CARMIL3: variants seen among roughly 807,000 people sequenced by gnomAD.
CARMIL3 encodes capping protein, Arp2/3 and myosin-I linker protein 3.
A neutral mutation model predicts 180.8 loss-of-function variants in CARMIL3; 88 were observed. The observed-to-expected ratio is 0.49, with a 90% confidence interval of 0.41 to 0.58. The LOEUF (loss-of-function observed/expected upper bound fraction) is 0.58, where lower values mean the gene tolerates loss of function less well. Among genes scored for constraint, CARMIL3 ranks in the 20% least tolerant of loss-of-function variants. CARMIL3 has a pLI of 0.00. For synonymous variants in CARMIL3, 696 were observed against 714.5 expected (o/e 0.97, Z 0.41); for missense variants, 1,548 against 1,787.0 (o/e 0.87, Z 2.41).
At chr14:24,066,729 C>A in intron 36 of CARMIL3, 73 bp downstream of exon 36, 2 of 1,500,898 alleles carry the variant, frequency 1.3e-6, no homozygotes, top group Non-Finnish European at 1.8e-6. Context: ...AGCCCATGGC[C>A]CCTGTGCTGG....
intron 14 of CARMIL3, among the ~76,000 whole-genome samples, chr14:24,057,477 G>A (rs1459222208): frequency 6.6e-6 from 1 of 152,186 alleles, no homozygotes; most frequent in African/African-American, 2.4e-5. Flanking sequence ...TTCCCCAGCT[G>A]TGCACCCTGG....
Position 24,068,895 on chromosome 14 carries a change from C to T in CARMIL3, c.3911C>T (p.Ala1304Val), listed in dbSNP as rs769953913. Residue 1304 changes from alanine (A) to valine (V), a missense_variant, in exon 38 of 40, where the codon GCA (alanine) becomes GTA (valine). Ala to Val is a moderately conservative substitution (Grantham distance 64). Transcript: ENST00000342740. ...GVREEAEAGDAAPGVNKPRLR... is the reference protein window; with the variant it reads ...GVREEAEAGDVAPGVNKPRLR... ...AGGGAGGAGGCTGAGGCTGGAGATG[C>T]AGCTCCAGGAGTCAACAAACCCCGG... 24 of 1,604,898 alleles carry T rather than the reference C, an allele frequency of 1.5e-5. No homozygotes were observed. The African/African-American group carries it at 1.9e-4, about 13-fold the overall frequency.
intron 34 of CARMIL3, 106 bp from the exon 35 acceptor site, chr14:24,066,292 C>A: frequency 1.5e-6 from 2 of 1,332,318 alleles, no homozygotes; most frequent in Non-Finnish European, 2.1e-6. Context: ...TGTCTAGGGA[C>A]TAATGACATG....
intron 8 of CARMIL3, 107 bp downstream of exon 8, chr14:24,055,417 C>A: frequency 6.8e-7 from 1 of 1,480,772 alleles, no homozygotes; most frequent in Non-Finnish European, 9.4e-7. Flanking sequence ...TCTATCTCCC[C>A]AACTCCATCC....
intron 34 of CARMIL3, 53 bp from the exon 35 acceptor site, chr14:24,066,345 G>T (rs546356471): frequency 1.3e-6 from 2 of 1,591,804 alleles, no homozygotes; most frequent in African/African-American, 2.7e-5. Context: ...TTTGTCAGCT[G>T]CAGTCCTGCC....
At position 24,056,387 on chromosome 14, in the gene CARMIL3, G is replaced by T; in HGVS notation, c.859G>T (p.Asp287Tyr). The T allele has an allele frequency of 6.2e-7, 1 of 1,613,024 alleles. No individual in the cohort carries two copies. The highest frequency in any genetic ancestry group is 8.5e-7 in the Non-Finnish European group (1 of 1,179,304). ...CACTCTGTCCCACAACCCCATCGAGGACAAGGGTGAGCCCCAGCCCTGAAT... is the reference window on the plus strand; with the variant it reads ...CACTCTGTCCCACAACCCCATCGAGTACAAGGGTGAGCCCCAGCCCTGAAT... ...ALTLSHNPIE[D>Y]KGFLSLSQQL... Residue 287 changes from aspartate to tyrosine, a missense_variant, in exon 11 of 40, where the codon GAC becomes TAC. Coordinates refer to ENST00000342740, the MANE Select transcript of CARMIL3 (RefSeq NM_138360.4).
In CARMIL3 at chr14:24,053,725, C is replaced by T. The variant is rs764544396; in HGVS notation, c.57C>T (p.Cys19=). 43 of 1,612,210 alleles carry T rather than the reference C, an allele frequency of 2.7e-5. No individual in the cohort carries two copies. Among genetic ancestry groups the T allele is most frequent in the Non-Finnish European group, 3.6e-5 (43 of 1,178,972 alleles). Residue 19 remains cysteine (C), a synonymous_variant, in exon 2 of 40, where the codon TGC becomes TGT. Transcript: ENST00000342740. ...CCCCCTCAGACAGCATCCGGAGGTG[C>T]CTGAGCCAAGGGGCCGTGCTCCAAC... ...TRELQDSIRR[C]LSQGAVLQQH...
chr14:24,062,843 C>A lies in CARMIL3; in HGVS notation c.2703C>A (p.Asn901Lys). 6.2e-7 allele frequency: 1 copy of A among 1,605,422 alleles called. No homozygotes were observed. ...EETTDDELGT[N>K]IDTMAIKKQK... ...CCACAGATGATGAACTTGGGACCAA[C>A]ATTGTGAGCCCCCCGCTCCCTGCTC... Residue 901 changes from asparagine (N) to lysine (K), a missense_variant, in exon 29 of 40, where the codon AAC becomes AAA. Transcript: ENST00000342740.
In CARMIL3 at chr14:24,053,691, G is replaced by C. The variant is rs767946239; in HGVS notation, c.41-18G>C. ...CAGGGTAAGGTGAAGCTCTGAGCAG[G>C]CTCCCACCCCCCCTCAGACAGCATC... On this transcript the variant is annotated intron_variant, in intron 1 of 39. Coordinates refer to ENST00000342740, the MANE Select transcript of CARMIL3 (RefSeq NM_138360.4). 6.3e-7 allele frequency: 1 copy of C among 1,594,602 alleles called. No individual in the cohort carries two copies. Among genetic ancestry groups the C allele is most frequent in the Non-Finnish European group, 8.6e-7 (1 of 1,168,624 alleles).
chr14:24,055,631 AGGG>A lies in CARMIL3; in HGVS notation c.681+15_681+17del. On this transcript the variant is annotated intron_variant, in intron 9 of 39. Transcript: ENST00000342740. ...GGACTTGCGGCTGGTAGGAACTGGG[AGGG>A]GCTGGTGAGGTGGGAGAAGTAGTGC... 1 of 1,614,042 alleles carries A rather than the reference AGGG, an allele frequency of 6.2e-7. No individual in the cohort carries two copies. Among genetic ancestry groups the A allele is most frequent in the Admixed American group, 1.7e-5 (1 of 60,004 alleles).
intron 12 of CARMIL3, 31 bp from the exon 13 acceptor site, chr14:24,056,884 G>T (rs928678186): frequency 3.7e-6 from 6 of 1,604,402 alleles, no homozygotes; most frequent in Non-Finnish European, 5.1e-6. Context: ...GGGGCTAGGG[G>T]CCAACCCAGC....
intron 29 of CARMIL3, 72 bp from the exon 30 acceptor site, chr14:24,063,048 A>C: frequency 6.3e-7 from 1 of 1,585,012 alleles, no homozygotes; most frequent in Non-Finnish European, 8.6e-7. Flanking sequence ...GATGGGCTCA[A>C]ATAAGGTTTC....
At chr14:24,067,326 G>A (rs1017717151) in intron 36 of CARMIL3, among the ~76,000 whole-genome samples, 1 of 152,218 alleles carries the variant, frequency 6.6e-6, no homozygotes, top group Non-Finnish European at 1.5e-5. Context: ...AAGCTGGTCA[G>A]CTCAGCATTC....
intron 36 of CARMIL3, among the ~76,000 whole-genome samples, chr14:24,067,833 G>A (rs569740846): frequency 6.6e-5 from 10 of 152,276 alleles, no homozygotes; most frequent in Non-Finnish European, 1.5e-4. Context: ...CCACTGGGGC[G>A]GAGGATGAGT....
chr14:24,056,846 G>C, intron 12 of CARMIL3, 69 bp from the exon 13 acceptor site: 1 of 1,554,272 alleles, frequency 6.4e-7, no homozygotes, highest in Non-Finnish European at 8.8e-7. Context: ...GGGGAGAGGG[G>C]AAGAGTTATG....
intron 25 of CARMIL3, 59 bp from the exon 26 acceptor site, chr14:24,060,868 C>G (rs1015347873): frequency 5.8e-6 from 9 of 1,539,840 alleles, no homozygotes; most frequent in Non-Finnish European, 6.2e-6. Flanking sequence ...GCCCAGGGAC[C>G]CCAGAGACCT....
rs924598069 is a variant in CARMIL3 at position 24,059,584 on chromosome 14, G to T, written c.1800-80G>T. ...GAACCATCTCTGAGTCAGCCTTATT[G>T]CCCCAAGAGGTTTGTGTCCCTGGCC... On this transcript the variant is annotated intron_variant, in intron 21 of 39. Coordinates refer to ENST00000342740, the MANE Select transcript of CARMIL3 (RefSeq NM_138360.4). The surrounding 1 kb of genome is among the most constrained non-coding windows in gnomAD (Gnocchi z 6.3). 2 of 1,560,908 alleles carry T rather than the reference G, an allele frequency of 1.3e-6. No homozygotes were observed. Among genetic ancestry groups the T allele is most frequent in the Non-Finnish European group, 8.7e-7 (1 of 1,143,046 alleles).
rs747970263 is a variant in CARMIL3, at chr14:24,060,764, C to G, written c.2190+8C>G. On this transcript the variant is annotated splice_region_variant and intron_variant, in intron 25 of 39. Transcript: ENST00000342740. ...GCCAAGAACTCCCGGGCGGTGAGCC[C>G]TCCACAGGCTACCCTTCCCCTGAAG... The G allele has an allele frequency of 2.2e-5, 35 of 1,611,978 alleles. No individual in the cohort carries two copies. The highest frequency in any genetic ancestry group is 2.8e-5 in the Non-Finnish European group (33 of 1,178,930).
rs754694925 is a variant in CARMIL3, at chr14:24,066,636, C to T, written c.3662C>T (p.Ala1221Val). Residue 1221 changes from alanine (A) to valine (V), a missense_variant, in exon 36 of 40, where the codon GCA (alanine) becomes GTA (valine). Coordinates refer to ENST00000342740, the MANE Select transcript of CARMIL3 (RefSeq NM_138360.4). The part of the protein sequence containing the change: ...TKPSFSAMRR[A>V]EATWHIAEES... Reference sequence around the variant, plus strand: ...CCAAGCTTCAGCGCCATGCGCAGAGCAGAGGCCACATGGCACATAGGTATG... The same window carrying T: ...CCAAGCTTCAGCGCCATGCGCAGAGTAGAGGCCACATGGCACATAGGTATG... The T allele has an allele frequency of 3.1e-6, 5 of 1,614,220 alleles. No individual in the cohort carries two copies. The highest frequency in any genetic ancestry group is 3.4e-6 in the Non-Finnish European group (4 of 1,180,030).
Sources: allele counts gnomAD v4.1 joint callset (sites outside exome capture counted in the v4.1 genomes callset), GRCh38; gene constraint gnomAD v4.1.1; non-coding constraint Gnocchi (gnomAD v3.1); transcripts MANE v1.5; gene names NCBI Gene and HGNC (gene_info 2026-07-23, HGNC 2026-07-21).